IL1RAPL1: variants seen among roughly 807,000 people sequenced by gnomAD.
IL1RAPL1 encodes interleukin 1 receptor accessory protein like 1.
Under a neutral mutation model 48.4 loss-of-function variants are expected in IL1RAPL1, and 3 were observed. The ratio of observed to expected loss-of-function variants is 0.06; its 90% CI spans 0.03 to 0.16. IL1RAPL1 has a LOEUF of 0.16. IL1RAPL1 is among the 10% of genes least tolerant of loss of function. The pLI is 1.00. For synonymous variants in IL1RAPL1, 185 were observed against 187.7 expected (o/e 0.99, Z 0.12); for missense variants, 349 against 530.6 (o/e 0.66, Z 3.36).
chrX:28,737,114 TTTCCTTCCTTCCTTCCTTCC>T (rs546731314), intron 1 of IL1RAPL1, among the ~76,000 whole-genome samples: 127 of 36,331 alleles, frequency 3.5e-3, no homozygotes, highest in South Asian at 9.0e-3. Flanking sequence ...TTTCTCTTCT[TTTCCTTCCTTCCTTCCTTCC>T]TTCCTTCCTT....
intron 1 of IL1RAPL1, among the ~76,000 whole-genome samples, chrX:28,715,309 T>A (rs760369286): frequency 3.6e-5 from 4 of 111,803 alleles, no homozygotes; most frequent in Non-Finnish European, 7.5e-5. Flanking sequence ...GGGTAAATAA[T>A]AAAATTAAGG....
Position 28,971,188 on chromosome X carries a change from C to T in IL1RAPL1, c.82+181763C>T, listed in dbSNP as rs773081717. 8.1e-5 allele frequency among the ~76,000 whole-genome samples: 9 copies of T among 111,593 alleles called. No individual in the cohort carries two copies. In the South Asian group the frequency reaches 3.0e-3, roughly 37 times the overall value. The stretch of plus-strand genomic sequence containing the variant: ...AACTAACAACTGCCAACTACAGAAC[C>T]GTATTGTTCTACCAAAGGAAAACCA... On this transcript the variant is annotated intron_variant, in intron 2 of 10. Transcript: ENST00000378993.
intron 5 of IL1RAPL1, among the ~76,000 whole-genome samples, chrX:29,494,809 T>A (rs1460628666): frequency 1.8e-5 from 2 of 112,464 alleles, no homozygotes; most frequent in African/African-American, 6.5e-5. Context: ...TTCATTTTGT[T>A]GATTAACTTC....
intron 2 of IL1RAPL1, among the ~76,000 whole-genome samples, chrX:28,882,417 C>T (rs1014818617): frequency 3.6e-5 from 4 of 111,486 alleles, no homozygotes; most frequent in African/African-American, 6.5e-5. Context: ...CTGAGGTGGG[C>T]GGATCACTTG....
At chrX:28,762,486 G>A (rs1348397229) in intron 1 of IL1RAPL1, among the ~76,000 whole-genome samples, 1 of 111,285 alleles carries the variant, frequency 9.0e-6, no homozygotes, top group Non-Finnish European at 1.9e-5. Flanking sequence ...AACGTTATCT[G>A]CAATCTTACC....
intron 2 of IL1RAPL1, among the ~76,000 whole-genome samples, chrX:29,200,038 G>A (rs946320283): frequency 3.6e-5 from 4 of 111,040 alleles, no homozygotes; most frequent in African/African-American, 1.3e-4. Flanking sequence ...TATACCCATG[G>A]CTGTTTTGCT....
intron 5 of IL1RAPL1, among the ~76,000 whole-genome samples, chrX:29,564,333 C>A (rs1286138795): frequency 8.9e-6 from 1 of 112,426 alleles, no homozygotes; most frequent in African/African-American, 3.2e-5. Flanking sequence ...GGAATATGCA[C>A]TGCTGTCAAA....
chrX:29,795,010 C>T (rs149353557), intron 6 of IL1RAPL1, among the ~76,000 whole-genome samples: 2,739 of 111,673 alleles, frequency 0.025, 38 homozygotes, highest in Non-Finnish European at 0.037. Context: ...ATTCTAACCA[C>T]CTTAGGAGTA....
intron 6 of IL1RAPL1, among the ~76,000 whole-genome samples, chrX:29,699,100 C>T (rs939481402): frequency 3.1e-4 from 35 of 112,190 alleles, no homozygotes; most frequent in Non-Finnish European, 6.2e-4. Flanking sequence ...ACAGGTAATG[C>T]TCTTGCATGG....
chrX:28,764,538 T>C (rs958824601), intron 1 of IL1RAPL1, among the ~76,000 whole-genome samples: 4 of 111,244 alleles, frequency 3.6e-5, no homozygotes, highest in African/African-American at 1.3e-4. Flanking sequence ...CACGTAAAAA[T>C]ACAGCAAGGG....
chrX:29,450,352 G>A (rs1038468558), intron 5 of IL1RAPL1, among the ~76,000 whole-genome samples: 2 of 111,869 alleles, frequency 1.8e-5, no homozygotes, highest in African/African-American at 3.2e-5. Context: ...TCTGTAAAGG[G>A]CCAGAGAGTT....
At chrX:29,731,498 G>A (rs1179575490) in intron 6 of IL1RAPL1, among the ~76,000 whole-genome samples, 5 of 112,161 alleles carry the variant, frequency 4.5e-5, no homozygotes, top group African/African-American at 1.6e-4. Flanking sequence ...TCTGATCTAG[G>A]TGTCTATCTG....
intron 5 of IL1RAPL1, among the ~76,000 whole-genome samples, chrX:29,538,493 A>G (rs1921321039): frequency 9.4e-6 from 1 of 106,078 alleles, no homozygotes; most frequent in Non-Finnish European, 1.9e-5. Flanking sequence ...GCCTGCTACC[A>G]CTCCCAGCTA....
intron 1 of IL1RAPL1, among the ~76,000 whole-genome samples, chrX:28,743,426 A>T (rs887777387): frequency 8.9e-6 from 1 of 111,851 alleles, no homozygotes; most frequent in Non-Finnish European, 1.9e-5. Flanking sequence ...AGTCATACAG[A>T]CAAAGCTAAG....
chrX:28,700,714 C>T (rs1041144662), intron 1 of IL1RAPL1, among the ~76,000 whole-genome samples: 3 of 110,456 alleles, frequency 2.7e-5, no homozygotes, highest in African/African-American at 9.9e-5. Flanking sequence ...GCCTCCCACC[C>T]TCCGACAGGC....
intron 5 of IL1RAPL1, among the ~76,000 whole-genome samples, chrX:29,657,239 C>T (rs1395878065): frequency 8.9e-6 from 1 of 111,777 alleles, no homozygotes; most frequent in Non-Finnish European, 1.9e-5. Context: ...TTTTCAACCT[C>T]GGAATTATTG....
Position 29,268,874 on chromosome X carries a change from G to T in IL1RAPL1, c.83-14064G>T, listed in dbSNP as rs189982883. 6.3e-3 allele frequency among the ~76,000 whole-genome samples: 704 copies of T among 112,017 alleles called. 26 individuals carry two copies. Among genetic ancestry groups the T allele is most frequent in the Admixed American group, 0.059 (628 of 10,561 alleles). ...TGTCCAGAAGTGACACAGACTAAAT[G>T]CTGTAAAATCATTCATCCTCTAAAA... On this transcript the variant is annotated intron_variant, in intron 2 of 10. Coordinates refer to ENST00000378993, the MANE Select transcript of IL1RAPL1 (RefSeq NM_014271.4).
At chrX:29,473,363 G>T (rs962302843) in intron 5 of IL1RAPL1, among the ~76,000 whole-genome samples, 5 of 111,094 alleles carry the variant, frequency 4.5e-5, no homozygotes, top group Non-Finnish European at 5.7e-5. Context: ...GGTTAAAGCT[G>T]CAATATATAA....
At chrX:28,800,559 C>A in intron 2 of IL1RAPL1, among the ~76,000 whole-genome samples, 1 of 111,282 alleles carries the variant, frequency 9.0e-6, no homozygotes, top group East Asian at 2.8e-4. Flanking sequence ...AGAGAAAGAG[C>A]AGCCAGTCAG....
Sources: gnomAD v4.1 joint callset for allele counts (sites outside exome capture counted in the v4.1 genomes callset) on GRCh38, gnomAD v4.1.1 for gene constraint, MANE v1.5 for transcripts, NCBI Gene and HGNC (gene_info 2026-07-23, HGNC 2026-07-21) for gene names.